The following LIN54 variants were observed in gnomAD, a reference collection of about 807,000 sequenced individuals.
LIN54 encodes protein lin-54 homolog.
Under a neutral mutation model 78.7 loss-of-function variants are expected in LIN54, and 9 were observed. The ratio of observed to expected loss-of-function variants is 0.11; its 90% CI spans 0.07 to 0.20. LIN54 has a LOEUF of 0.20. Ranked by LOEUF, LIN54 falls within the 10% of genes least tolerant of loss-of-function variation. The probability of loss-of-function intolerance (pLI) is 1.00; values close to 1 mark genes in which losing one functional copy is unlikely to be tolerated. For synonymous variants in LIN54, 269 were observed against 318.4 expected, an observed-to-expected ratio of 0.84 and a Z score of 1.65; for missense variants, 573 against 889.9, an observed-to-expected ratio of 0.64 and a Z score of 4.53.
intron 2 of LIN54, 64 bp downstream of exon 2, chr4:82,984,097 C>G: frequency 8.8e-7 from 1 of 1,133,476 alleles, no homozygotes; most frequent in Non-Finnish European, 1.3e-6. Flanking sequence ...ATAAACACAA[C>G]TATGAATCAG....
At chr4:82,940,669 G>A (rs1722779020) in intron 5 of LIN54, among the ~76,000 whole-genome samples, 1 of 152,222 alleles carries the variant, frequency 6.6e-6, no homozygotes, top group African/African-American at 2.4e-5. Context: ...CCAAAGTGCT[G>A]GGATTATAGG....
chr4:82,939,437 A>G, intron 7 of LIN54, 102 bp downstream of exon 7: 1 of 981,430 alleles, frequency 1.0e-6, no homozygotes, highest in Non-Finnish European at 1.6e-6. Flanking sequence ...GTGCCACTTC[A>G]ATACTGAGTT....
intron 1 of LIN54, among the ~76,000 whole-genome samples, chr4:83,007,203 A>C (rs1201042029): frequency 6.6e-6 from 1 of 152,120 alleles, no homozygotes; most frequent in Non-Finnish European, 1.5e-5. Context: ...ACTGAGTGAA[A>C]TAACAAATAA....
intron 8 of LIN54, among the ~76,000 whole-genome samples, chr4:82,938,144 ATAGT>A (rs1722540377): frequency 6.6e-6 from 1 of 152,210 alleles, no homozygotes. Flanking sequence ...AAGATAAAAA[ATAGT>A]TAGCATCATC....
chr4:83,007,605 T>C (rs1220836839), intron 1 of LIN54, among the ~76,000 whole-genome samples: 1 of 152,126 alleles, frequency 6.6e-6, no homozygotes, highest in East Asian at 1.9e-4. Flanking sequence ...GTCTACTAAA[T>C]GGCCAGGCGT....
In LIN54 at chr4:82,981,283, T is replaced by C. The variant is rs144378278; in HGVS notation, c.685-2277A>G. ...CTGCTAGTTATGTACTACTCTTATA[T>C]ACTATGCACAGGAAACATGGGAAAG... On this transcript the variant is annotated intron_variant, in intron 2 of 12. Coordinates refer to ENST00000340417, the MANE Select transcript of LIN54 (RefSeq NM_194282.4). 4.5e-4 allele frequency among the ~76,000 whole-genome samples: 68 copies of C among 152,360 alleles called. No homozygotes were observed. The East Asian group carries it at 0.011, about 25-fold the overall frequency.
chr4:82,978,824 C>T, intron 3 of LIN54, 59 bp downstream of exon 3: 1 of 1,111,130 alleles, frequency 9.0e-7, no homozygotes. Flanking sequence ...GCAGAACAGC[C>T]TTTTTAAATC....
intron 3 of LIN54, among the ~76,000 whole-genome samples, chr4:82,975,322 T>G (rs1040157519): frequency 6.8e-6 from 1 of 146,560 alleles, no homozygotes; most frequent in Non-Finnish European, 1.5e-5. Flanking sequence ...GGTGACAGAG[T>G]GAAACTGCAT....
intron 1 of LIN54, among the ~76,000 whole-genome samples, chr4:83,006,221 G>A (rs1417102114): frequency 6.6e-6 from 1 of 152,056 alleles, no homozygotes; most frequent in African/African-American, 2.4e-5. Flanking sequence ...AGGCTGAGGT[G>A]GGCGGACCAT....
intron 11 of LIN54, among the ~76,000 whole-genome samples, chr4:82,934,069 C>A: frequency 6.6e-6 from 1 of 152,116 alleles, no homozygotes; most frequent in Non-Finnish European, 1.5e-5. Flanking sequence ...GATTCCAACA[C>A]TGGATGAAAA....
chr4:83,011,539 ACT>A (rs1729853296), upstream of LIN54, among the ~76,000 whole-genome samples: 4 of 152,106 alleles, frequency 2.6e-5, no homozygotes, highest in Non-Finnish European at 4.4e-5. Context: ...TGAAAATATA[ACT>A]CTTAGCTAAA....
At chr4:82,947,235 A>ATTTTTTTTTTTTTTTTTTTTT (rs34511957) in intron 4 of LIN54, among the ~76,000 whole-genome samples, 2 of 44,292 alleles carry the variant, frequency 4.5e-5, no homozygotes, top group African/African-American at 2.0e-4. Context: ...ATATATATAT[A>ATTTTTTTTTTTTTTTTTTTTT]TTTTTTTTTT....
intron 5 of LIN54, among the ~76,000 whole-genome samples, chr4:82,943,544 A>G (rs1723108022): frequency 6.6e-6 from 1 of 152,170 alleles, no homozygotes; most frequent in South Asian, 2.1e-4. Flanking sequence ...CTGTGAAATA[A>G]TATATATTAT....
intron 12 of LIN54, among the ~76,000 whole-genome samples, chr4:82,929,573 G>A: frequency 6.6e-6 from 1 of 152,120 alleles, no homozygotes; most frequent in Non-Finnish European, 1.5e-5. Context: ...GGGAGACTGA[G>A]ATGGGCAGAT....
At chr4:83,009,791 C>T (rs769959961) in intron 1 of LIN54, among the ~76,000 whole-genome samples, 66 of 152,160 alleles carry the variant, frequency 4.3e-4, no homozygotes, top group Non-Finnish European at 7.5e-4. Context: ...AAACTCAGGA[C>T]CAAAAGAGAG....
chr4:82,996,677 T>C (rs914001436), intron 1 of LIN54, among the ~76,000 whole-genome samples: 6 of 152,064 alleles, frequency 3.9e-5, no homozygotes, highest in Admixed American at 6.6e-5. Flanking sequence ...GTGCTGGAAT[T>C]ACAGGCTTGA....
chr4:82,947,233 A>ATTT (rs1233101387), intron 4 of LIN54, among the ~76,000 whole-genome samples: 187 of 16,816 alleles, frequency 0.011, 5 homozygotes, highest in African/African-American at 0.022. Flanking sequence ...ATATATATAT[A>ATTT]TATTTTTTTT....
intron 1 of LIN54, among the ~76,000 whole-genome samples, chr4:82,994,654 C>T (rs1210173148): frequency 6.6e-6 from 1 of 151,994 alleles, no homozygotes; most frequent in South Asian, 2.1e-4. Flanking sequence ...CCCTCCTTGG[C>T]CTCCCGAAGT....
chr4:82,933,311 G>A (rs1722118921), intron 11 of LIN54, among the ~76,000 whole-genome samples: 1 of 150,780 alleles, frequency 6.6e-6, no homozygotes, highest in Admixed American at 6.6e-5. Context: ...CATTAATAGT[G>A]TCTAACCGGA....
Sources: allele counts gnomAD v4.1 joint callset (sites outside exome capture counted in the v4.1 genomes callset), GRCh38; gene constraint gnomAD v4.1.1; transcripts MANE v1.5; gene names NCBI Gene and HGNC (gene_info 2026-07-23, HGNC 2026-07-21).